GALNT5: variants seen among roughly 807,000 people sequenced by gnomAD.
GALNT5 encodes the protein polypeptide N-acetylgalactosaminyltransferase 5.
GALNT5 carries 72 observed loss-of-function variants against 85.4 expected under a neutral mutation model. The ratio of observed to expected loss-of-function variants is 0.84; its 90% confidence interval spans 0.70 to 1.03. The LOEUF is 1.03. Ranked by LOEUF, GALNT5 falls within the 50% of genes least tolerant of loss-of-function variation. The pLI is 0.00. For synonymous variants in GALNT5, 404 were observed against 397.0 expected, an observed-to-expected ratio of 1.02 and a Z score of -0.21; for missense variants, 1,137 against 1,135.5, an observed-to-expected ratio of 1.00 and a Z score of -0.02.
At chr2:157,294,779 TCACACCACA>T (rs1683175366) in intron 3 of GALNT5, among the ~76,000 whole-genome samples, 1 of 94,108 alleles carries the variant, frequency 1.1e-5, no homozygotes, top group Admixed American at 1.3e-4. Context: ...ACACATCACA[TCACACCACA>T]CACACACACA....
At position 157,300,930 on chromosome 2, in the gene GALNT5, A is replaced by ATGGTATTTG; in HGVS notation, c.2370_2371insTGGTATTTG (p.Lys790_Ser791insTrpTyrLeu). 6.2e-7 allele frequency: 1 copy of ATGGTATTTG among 1,614,086 alleles called. No individual in the cohort carries two copies. The highest frequency in any genetic ancestry group is 2.2e-5 in the East Asian group (1 of 44,872). ...AGCTGCGAAAGAAACTGAAGTGCAAAAGTTTCAAATGGTACTTGGAGAATG... is the reference window on the plus strand; with the variant it reads ...AGCTGCGAAAGAAACTGAAGTGCAAATGGTATTTGAGTTTCAAATGGTACTTGGAGAATG... On this transcript the variant is annotated inframe_insertion, in exon 7 of 10. Coordinates refer to ENST00000259056, the MANE Select transcript of GALNT5 (RefSeq NM_014568.3).
intron 1 of GALNT5, among the ~76,000 whole-genome samples, chr2:157,263,640 T>A (rs1682397382): frequency 6.6e-6 from 1 of 152,232 alleles, no homozygotes; most frequent in South Asian, 2.1e-4. Flanking sequence ...CTGATCACAG[T>A]GCTGTACATT....
rs552135582 is a variant in GALNT5, at chr2:157,259,129, A to C, written c.1047A>C (p.Lys349Asn). ...SNSKTKTIFPKVLGKSQSKHI... is the reference protein window; with the variant it reads ...SNSKTKTIFPNVLGKSQSKHI... Reference sequence around the variant, plus strand: ...CTAAAACCAAAACAATATTTCCTAAAGTATTGGGTAAAAGCCAAAGTAAAC... The same window carrying C: ...CTAAAACCAAAACAATATTTCCTAACGTATTGGGTAAAAGCCAAAGTAAAC... The change falls in exon 1 of 10, where the codon AAA (lysine) becomes AAC (asparagine). Residue 349 changes from lysine to asparagine, a missense_variant. Lys to Asn is a moderately conservative substitution (Grantham distance 94). Transcript: ENST00000259056. 6.8e-7 allele frequency: 1 copy of C among 1,477,140 alleles called. No homozygotes were observed. The highest frequency in any genetic ancestry group is 2.4e-5 in the Admixed American group (1 of 42,484). 91.5% of individuals were successfully genotyped at this position (1,477,140 alleles called of 1,614,324 possible).
At chr2:157,301,539 G>T (rs1478351020) in intron 7 of GALNT5, 1 of 157,088 alleles carries the variant, frequency 6.4e-6, no homozygotes, top group Non-Finnish European at 1.4e-5. Flanking sequence ...AGACAGGTGA[G>T]TGTTCTCCAT....
intron 2 of GALNT5, 124 bp downstream of exon 2, chr2:157,284,572 TG>T: frequency 1.4e-6 from 1 of 708,408 alleles, no homozygotes. Context: ...ACAAATGCTT[TG>T]TTTTACGTGG....
rs1369649347 is a variant in GALNT5, at chr2:157,312,632, A to T, written c.*1284A>T. On this transcript the variant is annotated 3_prime_UTR_variant, in exon 10 of 10. Transcript: ENST00000259056. The stretch of plus-strand genomic sequence containing the variant: ...CCTTAGAAATCAGGATAGCCTTTGC[A>T]TTCATTTTGGTAAGAAAACTGATGC... 1 of 152,198 alleles carries T rather than the reference A, an allele frequency of 6.6e-6. No individual in the cohort carries two copies. Among genetic ancestry groups the T allele is most frequent in the Non-Finnish European group, 1.5e-5 (1 of 68,016 alleles). 9.4% of individuals were successfully genotyped at this position (152,198 alleles called of 1,614,324 possible).
intron 5 of GALNT5, chr2:157,299,023 G>A (rs1656464829): frequency 6.5e-6 from 1 of 154,620 alleles, no homozygotes. Flanking sequence ...CTTCCACAGA[G>A]CGCGCAGCTT....
At position 157,284,355 on chromosome 2, in the gene GALNT5, T is replaced by C; in HGVS notation, c.1528T>C (p.Ser510Pro). 2 of 1,613,852 alleles carry C rather than the reference T, an allele frequency of 1.2e-6. No homozygotes were observed. Among genetic ancestry groups the C allele is most frequent in the Non-Finnish European group, 1.7e-6 (2 of 1,179,736 alleles). ...VIMCFVDEVW[S>P]TLLRSVHSVI... ...CATGTGCTTTGTGGATGAAGTGTGG[T>C]CCACTCTCCTGAGATCTGTTCACAG... The change falls in exon 2 of 10, where the codon TCC becomes CCC. Residue 510 changes from serine (S) to proline (P), a missense_variant. By Grantham distance (74) the Ser-to-Pro change is moderately conservative. Transcript: ENST00000259056.
rs758430009 is a variant in GALNT5, at chr2:157,258,635, T to C, written c.553T>C (p.Ser185Pro). Residue 185 changes from serine (S) to proline (P), a missense_variant, in exon 1 of 10, where the codon TCA (serine) becomes CCA (proline). Transcript: ENST00000259056. ...AAKGTQVVKI[S>P]VHMGRVSLKQ... The stretch of plus-strand genomic sequence containing the variant: ...AAAAGGAACTCAGGTAGTCAAAATA[T>C]CAGTACACATGGGACGTGTCAGTTT... The C allele has an allele frequency of 7.4e-5, 120 of 1,613,378 alleles. No homozygotes were observed. Among genetic ancestry groups the C allele is most frequent in the Middle Eastern group, 1.6e-4 (1 of 6,084 alleles).
intron 1 of GALNT5, among the ~76,000 whole-genome samples, chr2:157,261,077 C>A (rs945556668): frequency 1.3e-5 from 2 of 152,108 alleles, no homozygotes. Flanking sequence ...TTGTGTTGGC[C>A]CAGCTCTAAT....
At chr2:157,288,920 G>A (rs186861733) in intron 3 of GALNT5, among the ~76,000 whole-genome samples, 14 of 152,292 alleles carry the variant, frequency 9.2e-5, no homozygotes, top group Admixed American at 3.3e-4. Context: ...GATAAGATGT[G>A]AAGAGAATAA....
At chr2:157,306,948 A>G (rs991891131) in intron 8 of GALNT5, among the ~76,000 whole-genome samples, 2 of 152,226 alleles carry the variant, frequency 1.3e-5, no homozygotes, top group African/African-American at 4.8e-5. Context: ...ATAAAGTCAT[A>G]AATTGTAAAA....
chr2:157,317,340 T>C lies in GALNT5; in HGVS notation c.*5992T>C, dbSNP rs928268979. On this transcript the variant is annotated 3_prime_UTR_variant, in exon 10 of 10. Transcript: ENST00000259056. ...CTGCATCTGGCCTTCTGCACAAAAG[T>C]ATCTCAAGTGAACTTACACTCTGGA... Among the ~76,000 whole-genome samples, 1 of 152,054 alleles carries C rather than the reference T, an allele frequency of 6.6e-6. No homozygotes were observed. Among genetic ancestry groups the C allele is most frequent in the Non-Finnish European group, 1.5e-5 (1 of 67,986 alleles).
intron 1 of GALNT5, among the ~76,000 whole-genome samples, chr2:157,275,666 C>T (rs200839907): frequency 6.6e-6 from 1 of 152,286 alleles, no homozygotes; most frequent in Admixed American, 6.5e-5. Context: ...GATTTCTGCA[C>T]ATTGATTTTG....
intron 1 of GALNT5, among the ~76,000 whole-genome samples, chr2:157,274,400 G>A (rs1023111652): frequency 1.3e-5 from 2 of 152,158 alleles, no homozygotes; most frequent in Non-Finnish European, 1.5e-5. Flanking sequence ...CTGAGGAATC[G>A]CCAGACTGTC....
intron 5 of GALNT5, chr2:157,298,758 G>A (rs988024177): frequency 2.6e-5 from 4 of 152,272 alleles, no homozygotes; most frequent in Non-Finnish European, 1.5e-5. Context: ...CTTCCTTCCA[G>A]TAACGGCTGA....
At position 157,270,986 on chromosome 2, in the gene GALNT5, G is replaced by A. The variant is rs192434080; in HGVS notation, c.1454+11450G>A. Among the ~76,000 whole-genome samples the A allele has an allele frequency of 1.2e-4, 19 of 152,198 alleles. No individual in the cohort carries two copies. In the East Asian group the frequency reaches 2.5e-3, roughly 20 times the overall value. On this transcript the variant is annotated intron_variant, in intron 1 of 9. Coordinates refer to ENST00000259056, the MANE Select transcript of GALNT5 (RefSeq NM_014568.3). ...CAAAAATTAGCCAGGCGTGGTGGCA[G>A]GTGCCTGTAGTCCCAGCTACTCAGG...
chr2:157,304,287 A>C (rs765482136), intron 7 of GALNT5, among the ~76,000 whole-genome samples: 4 of 152,202 alleles, frequency 2.6e-5, no homozygotes, highest in Non-Finnish European at 4.4e-5. Flanking sequence ...TTGTCATTTT[A>C]AATTGCTAAT....
At position 157,317,195 on chromosome 2, in the gene GALNT5, TATA is replaced by T. The variant is rs1169890187; in HGVS notation, c.*5848_*5850del. ...GTGTGTATATATATATATATATATA[TATA>T]TTTTTTTTTTTGATGCTTTGATCTG... On this transcript the variant is annotated 3_prime_UTR_variant, in exon 10 of 10. Transcript: ENST00000259056. Among the ~76,000 whole-genome samples the T allele has an allele frequency of 3.1e-3, 418 of 136,222 alleles. 1 individual carries two copies. Among genetic ancestry groups the T allele is most frequent in the African/African-American group, 0.012 (388 of 33,532 alleles). 89.4% of individuals were successfully genotyped at this position (136,222 alleles called of 152,430 possible).
Sources: gnomAD v4.1 joint callset for allele counts (sites outside exome capture counted in the v4.1 genomes callset) on GRCh38, gnomAD v4.1.1 for gene constraint, MANE v1.5 for transcripts, NCBI Gene and HGNC (gene_info 2026-07-23, HGNC 2026-07-21) for gene names.